Variants in NAV3 observed in about 807,000 individuals in gnomAD.
NAV3 encodes the protein pore membrane and/or filament interacting like protein 1.
Under a neutral mutation model 244.7 loss-of-function variants are expected in NAV3, and 87 were observed. The observed-to-expected ratio is 0.36, with a 90% CI of 0.30 to 0.42. The LOEUF (loss-of-function observed/expected upper bound fraction) is 0.42, where lower values mean the gene tolerates loss of function less well. Ranked by LOEUF, NAV3 falls within the 20% of genes least tolerant of loss-of-function variation. The pLI is 1.00. For missense variants in NAV3, 2,663 were observed against 2,893.3 expected (o/e 0.92, Z 1.83); for synonymous variants, 1,126 against 1,042.2 (o/e 1.08, Z -1.55).
At chr12:78,178,096 C>T (rs1958324769) in intron 28 of NAV3, among the ~76,000 whole-genome samples, 1 of 150,370 alleles carries the variant, frequency 6.7e-6, no homozygotes, top group South Asian at 2.1e-4. Flanking sequence ...AATAATAGAA[C>T]AATTACAACA....
intron 7 of NAV3, among the ~76,000 whole-genome samples, chr12:77,998,807 A>G (rs143638917): frequency 6.6e-6 from 1 of 152,266 alleles, no homozygotes; most frequent in Non-Finnish European, 1.5e-5. Flanking sequence ...ATAAAGCCAT[A>G]TTGAATTTAT....
chr12:77,831,798 A>G (rs2136083114), intron 1 of NAV3, 94 bp downstream of exon 1: 2 of 1,368,616 alleles, frequency 1.5e-6, no homozygotes, highest in Non-Finnish European at 2.0e-6. Context: ...GGGGAGTAGT[A>G]GAGGAATACC....
At chr12:78,158,102 C>T (rs1957382602) in intron 22 of NAV3, among the ~76,000 whole-genome samples, 1 of 151,952 alleles carries the variant, frequency 6.6e-6, no homozygotes, top group African/African-American at 2.4e-5. Context: ...ATAGTAGGTG[C>T]CTCAGCATTT....
At chr12:77,847,341 A>G (rs547068225) in intron 1 of NAV3, among the ~76,000 whole-genome samples, 23 of 152,334 alleles carry the variant, frequency 1.5e-4, no homozygotes, top group Middle Eastern at 6.8e-3. Flanking sequence ...CCTTCAAGAT[A>G]ACAAAACATT....
chr12:77,599,121 C>CT (rs1870305793), intron 2 of NAV3, among the ~76,000 whole-genome samples: 2 of 151,944 alleles, frequency 1.3e-5, no homozygotes, highest in South Asian at 4.1e-4. Context: ...CAAGTAATAT[C>CT]TGTCCTTCCA....
At position 77,663,095 on chromosome 12, in the gene NAV3, G is replaced by C. The variant is rs1409546667; in HGVS notation, c.72+90829G>C. On this transcript the variant is annotated intron_variant, in intron 2 of 8. Transcript: ENST00000550042. ...ATTACAGTCTTTAAGAATACATTAA[G>C]CACAAATCTTTTTTATTATCGTTTT... is the stretch of plus-strand genomic sequence containing the variant. Among the ~76,000 whole-genome samples, 3 of 152,044 alleles carry C rather than the reference G, an allele frequency of 2.0e-5. No homozygotes were observed. In the East Asian group the frequency reaches 5.8e-4, roughly 29 times the overall value.
At chr12:77,801,020 A>T (rs1871678110) in intron 2 of NAV3, among the ~76,000 whole-genome samples, 1 of 152,126 alleles carries the variant, frequency 6.6e-6, no homozygotes, top group Non-Finnish European at 1.5e-5. Flanking sequence ...TATTTCTTTG[A>T]TTTGTGTACC....
intron 2 of NAV3, among the ~76,000 whole-genome samples, chr12:77,763,211 G>A (rs1309922449): frequency 6.6e-6 from 1 of 152,120 alleles, no homozygotes; most frequent in African/African-American, 2.4e-5. Context: ...TTTATGCAAG[G>A]AATATTGGTC....
At chr12:77,639,232 C>T (rs1872288512) in intron 2 of NAV3, among the ~76,000 whole-genome samples, 2 of 152,124 alleles carry the variant, frequency 1.3e-5, no homozygotes, top group Admixed American at 1.3e-4. Flanking sequence ...TTAAGGACTA[C>T]ATGAATGTCC....
chr12:78,064,480 G>A (rs1171759377), intron 12 of NAV3, among the ~76,000 whole-genome samples: 10 of 146,110 alleles, frequency 6.8e-5, no homozygotes, highest in Admixed American at 6.8e-4. Context: ...TCTATATAGA[G>A]AGAGGTCTTT....
At chr12:77,937,912 A>T (rs112606932) in intron 1 of NAV3, among the ~76,000 whole-genome samples, 164 of 152,254 alleles carry the variant, frequency 1.1e-3, no homozygotes, top group Non-Finnish European at 1.1e-3. Flanking sequence ...GTGCTATCTT[A>T]TTTAGTCCTG....
At chr12:77,776,966 A>G (rs1270156379) in intron 2 of NAV3, among the ~76,000 whole-genome samples, 1 of 152,244 alleles carries the variant, frequency 6.6e-6, no homozygotes, top group East Asian at 1.9e-4. Flanking sequence ...TAGGAAAGCA[A>G]GAATTGAGTA....
chr12:77,789,816 G>GAA (rs57070028), intron 2 of NAV3, among the ~76,000 whole-genome samples: 12 of 75,668 alleles, frequency 1.6e-4, no homozygotes, highest in Non-Finnish European at 2.9e-4. Flanking sequence ...GTCTCGAAAA[G>GAA]AAAAAAAAAA....
At position 78,127,195 on chromosome 12, in the gene NAV3, A is replaced by C. The variant is rs2138810237; in HGVS notation, c.4267A>C (p.Lys1423Gln). Residue 1423 changes from lysine to glutamine, a missense_variant, in exon 17 of 40, where the codon AAA becomes CAA. Physicochemically the swap from Lys to Gln is moderately conservative, Grantham distance 53 (BLOSUM62 1). This residue lies in a region of NAV3 where 354 missense variants were observed against 413.0 expected (regional missense o/e 0.86). Transcript: ENST00000397909. ...SMQLDRNTLPKKGLRYTPSSR... is the reference protein window; with the variant it reads ...SMQLDRNTLPQKGLRYTPSSR... Reference sequence around the variant, plus strand: ...GCAGCTTGACAGAAATACACTACCCAAAAAGGGACTAAGGTATATATTCCT... The same window carrying C: ...GCAGCTTGACAGAAATACACTACCCCAAAAGGGACTAAGGTATATATTCCT... 6.2e-7 allele frequency: 1 copy of C among 1,613,324 alleles called. No homozygotes were observed. The highest frequency in any genetic ancestry group is 8.5e-7 in the Non-Finnish European group (1 of 1,179,496).
At chr12:78,146,280 T>A in intron 20 of NAV3, 89 bp from the exon 21 acceptor site, 1 of 477,498 alleles carries the variant, frequency 2.1e-6, no homozygotes, top group Admixed American at 3.9e-5. Context: ...TAATAAAAAG[T>A]ACATCATGAT....
intron 20 of NAV3, among the ~76,000 whole-genome samples, chr12:78,141,751 T>A (rs1956625090): frequency 1.3e-5 from 2 of 152,180 alleles, no homozygotes; most frequent in African/African-American, 4.8e-5. Context: ...AAGTGAGGAA[T>A]GTGTAAACAC....
intron 2 of NAV3, among the ~76,000 whole-genome samples, chr12:77,780,089 A>G (rs564329306): frequency 6.6e-6 from 1 of 152,104 alleles, no homozygotes; most frequent in South Asian, 2.1e-4. Flanking sequence ...GTGAATTTCT[A>G]GATTTCAGCC....
chr12:78,131,485 G>GA (rs1246125395), intron 18 of NAV3, among the ~76,000 whole-genome samples: 2 of 152,112 alleles, frequency 1.3e-5, no homozygotes, highest in African/African-American at 4.8e-5. Context: ...ATAGGAATAT[G>GA]AAAAAATTTT....
intron 2 of NAV3, among the ~76,000 whole-genome samples, chr12:77,788,800 T>A (rs891025545): frequency 6.6e-6 from 1 of 152,130 alleles, no homozygotes; most frequent in Non-Finnish European, 1.5e-5. Context: ...AAAGATTAAG[T>A]ACTTGTACTA....
Sources: gnomAD v4.1 joint callset for allele counts (sites outside exome capture counted in the v4.1 genomes callset) on GRCh38, gnomAD v4.1.1 for gene constraint, gnomAD v4.1.1 regional missense constraint, MANE v1.5 for transcripts, NCBI Gene and HGNC (gene_info 2026-07-23, HGNC 2026-07-21) for gene names.